Variants in EXOSC2 observed in about 807,000 individuals in gnomAD.
EXOSC2 encodes exosome component 2.
A neutral mutation model predicts 37.6 loss-of-function variants in EXOSC2; 29 were observed. The ratio of observed to expected loss-of-function variants is 0.77; its 90% confidence interval spans 0.57 to 1.05. The LOEUF is 1.05. Ranked by LOEUF, EXOSC2 falls within the 50% of genes least tolerant of loss-of-function variation. EXOSC2 has a pLI of 0.00. For synonymous variants in EXOSC2, 119 were observed against 131.1 expected, an observed-to-expected ratio of 0.91 and a Z score of 0.63; for missense variants, 346 against 365.6, an observed-to-expected ratio of 0.95 and a Z score of 0.44.
Position 130,698,289 on chromosome 9 carries a change from T to A in EXOSC2, c.360+38T>A. On this transcript the variant is annotated intron_variant, in intron 4 of 8. Coordinates refer to ENST00000372358, the MANE Select transcript of EXOSC2 (RefSeq NM_014285.7). This position sits in a 1 kb window ranked among gnomAD's most constrained non-coding sequence, Gnocchi z 4.1. The stretch of plus-strand genomic sequence containing the variant: ...GCTGGGGCCATGGACTAGGGCCCAG[T>A]GGGCTGGGGGGAGCCGTGGGACCCT... 6.3e-7 allele frequency: 1 copy of A among 1,574,962 alleles called. No individual in the cohort carries two copies.
In EXOSC2 at chr9:130,698,572, A is replaced by T. The variant is rs1184435039; in HGVS notation, c.360+321A>T. Among the ~76,000 whole-genome samples, 7 of 152,198 alleles carry T rather than the reference A, an allele frequency of 4.6e-5. No individual in the cohort carries two copies. Among genetic ancestry groups the T allele is most frequent in the South Asian group, 4.1e-4 (2 of 4,832 alleles). ...GATATAACAGCCTTGCATAGTGAAG[A>T]TGTTCCTTGAAAAGTTGTCTTTACA... On this transcript the variant is annotated intron_variant, in intron 4 of 8. Transcript: ENST00000372358. This position sits in a 1 kb window ranked among gnomAD's most constrained non-coding sequence, Gnocchi z 4.1.
rs1247287127 is a variant in EXOSC2, at chr9:130,699,372, T to C, written c.404T>C (p.Leu135Ser). 6.2e-7 allele frequency: 1 copy of C among 1,614,212 alleles called. No homozygotes were observed. The highest frequency in any genetic ancestry group is 8.5e-7 in the Non-Finnish European group (1 of 1,180,038). Residue 135 changes from leucine to serine, a missense_variant, in exon 5 of 9, where the codon TTA becomes TCA. Coordinates refer to ENST00000372358, the MANE Select transcript of EXOSC2 (RefSeq NM_014285.7). Reference sequence around the variant, plus strand: ...GATGAGCTTGCAATGAGAGGTTTCTTACAGGAAGGGGACCTTATCAGTGTA... The same window carrying C: ...GATGAGCTTGCAATGAGAGGTTTCTCACAGGAAGGGGACCTTATCAGTGTA... The part of the protein sequence containing the change: ...AEDELAMRGF[L>S]QEGDLISAEV...
Position 130,702,170 on chromosome 9 carries a change from C to G in EXOSC2, c.532C>G (p.Leu178Val), listed in dbSNP as rs1361350633. Residue 178 changes from leucine (L) to valine (V), a missense_variant, in exon 7 of 9, where the codon CTG becomes GTG. Coordinates refer to ENST00000372358, the MANE Select transcript of EXOSC2 (RefSeq NM_014285.7). ...GGTTTTGGTCCAGGTTTCCCCCTCCCTGGTGAAACGGCAGAAGACCCACTT... is the reference window on the plus strand; with the variant it reads ...GGTTTTGGTCCAGGTTTCCCCCTCCGTGGTGAAACGGCAGAAGACCCACTT... ...QGVLVQVSPS[L>V]VKRQKTHFHD... 1.2e-6 allele frequency: 2 copies of G among 1,614,118 alleles called. No individual in the cohort carries two copies. The highest frequency in any genetic ancestry group is 1.7e-6 in the Non-Finnish European group (2 of 1,180,028).
chr9:130,696,790 C>T (rs1203562694), intron 2 of EXOSC2, among the ~76,000 whole-genome samples: 2 of 151,752 alleles, frequency 1.3e-5, no homozygotes, highest in African/African-American at 2.4e-5. Flanking sequence ...TGTCCTGGAG[C>T]GTGAGAGAGA....
rs1410124633 is a variant in EXOSC2 at position 130,703,737 on chromosome 9, T to C, written c.845T>C (p.Met282Thr). ...CCAGAAATAATGGAGGAGATTGTGA[T>C]GGAAACACGCCAGAGGCTTTTGGAA... ...LKPEIMEEIV[M>T]ETRQRLLEQE... Residue 282 changes from methionine to threonine, a missense_variant, in exon 9 of 9, where the codon ATG (methionine) becomes ACG (threonine). Transcript: ENST00000372358. The C allele has an allele frequency of 1.2e-6, 2 of 1,613,834 alleles. No homozygotes were observed. Among genetic ancestry groups the C allele is most frequent in the Admixed American group, 1.7e-5 (1 of 59,990 alleles).
rs1370237463 is a variant in EXOSC2, at chr9:130,702,183, A to G, written c.545A>G (p.Gln182Arg). ...VQVSPSLVKR[Q>R]KTHFHDLPCG... is the part of the protein sequence containing the mutation. Reference sequence around the variant, plus strand: ...GTTTCCCCCTCCCTGGTGAAACGGCAGAAGACCCACTTTCATGATTTGCCA... The same window carrying G: ...GTTTCCCCCTCCCTGGTGAAACGGCGGAAGACCCACTTTCATGATTTGCCA... Residue 182 changes from glutamine to arginine, a missense_variant, in exon 7 of 9, where the codon CAG becomes CGG. Physicochemically the swap from Gln to Arg is conservative, Grantham distance 43 (BLOSUM62 1). Transcript: ENST00000372358. The G allele has an allele frequency of 6.2e-7, 1 of 1,614,030 alleles. No homozygotes were observed. The highest frequency in any genetic ancestry group is 8.5e-7 in the Non-Finnish European group (1 of 1,180,036).
Position 130,693,864 on chromosome 9 carries a change from C to G in EXOSC2, c.73C>G (p.His25Asp). 1 of 1,612,728 alleles carries G rather than the reference C, an allele frequency of 6.2e-7. No individual in the cohort carries two copies. The highest frequency in any genetic ancestry group is 8.5e-7 in the Non-Finnish European group (1 of 1,179,002). ...SERLGRDTKKHLVVPGDTITT... is the reference protein window; with the variant it reads ...SERLGRDTKKDLVVPGDTITT... The stretch of plus-strand genomic sequence containing the variant: ...GAGACTGGGCCGCGACACTAAGAAA[C>G]ATCTAGTGGTGCCGGGGGATACAAT... Residue 25 changes from histidine to aspartate, a missense_variant, in exon 1 of 9, where the codon CAT becomes GAT. By Grantham distance (81) the His-to-Asp change is moderately conservative (BLOSUM62 -1). Coordinates refer to ENST00000372358, the MANE Select transcript of EXOSC2 (RefSeq NM_014285.7).
intron 2 of EXOSC2, 138 bp from the exon 3 acceptor site, chr9:130,697,444 C>A: frequency 2.6e-6 from 2 of 775,230 alleles, no homozygotes; most frequent in Non-Finnish European, 4.5e-6. Flanking sequence ...TAAGTCCAGA[C>A]AATATAGTTA....
In EXOSC2 at chr9:130,693,881, G is replaced by A. The variant is rs1354931761; in HGVS notation, c.90G>A (p.Gly30=). 1 of 1,611,826 alleles carries A rather than the reference G, an allele frequency of 6.2e-7. No individual in the cohort carries two copies. Among genetic ancestry groups the A allele is most frequent in the Non-Finnish European group, 8.5e-7 (1 of 1,178,488 alleles). Residue 30 remains glycine, a synonymous_variant, in exon 1 of 9, where the codon GGG becomes GGA. Transcript: ENST00000372358. ...CTAAGAAACATCTAGTGGTGCCGGG[G>A]GATACAATCACTACGGACACAGGAT... ...RDTKKHLVVP[G]DTITTDTGFM...
Position 130,698,317 on chromosome 9 carries a change from G to T in EXOSC2, c.360+66G>T, listed in dbSNP as rs1831141749. On this transcript the variant is annotated intron_variant, in intron 4 of 8. Transcript: ENST00000372358. The surrounding 1 kb of genome is among the most constrained non-coding windows in gnomAD (Gnocchi z 4.1). ...GCTGGGGGGAGCCGTGGGACCCTTTGTTCCACCAGAGGACTTTGATTTACA... is the reference window on the plus strand; with the variant it reads ...GCTGGGGGGAGCCGTGGGACCCTTTTTTCCACCAGAGGACTTTGATTTACA... 31 of 1,460,186 alleles carry T rather than the reference G, an allele frequency of 2.1e-5. No homozygotes were observed. The highest frequency in any genetic ancestry group is 3.0e-5 in the Non-Finnish European group (31 of 1,047,672). 90.5% of individuals were successfully genotyped at this position (1,460,186 alleles called of 1,614,324 possible).
chr9:130,697,692 A>G (rs1831126065), intron 3 of EXOSC2, 65 bp downstream of exon 3: 2 of 1,452,802 alleles, frequency 1.4e-6, no homozygotes, highest in Non-Finnish European at 1.9e-6. Flanking sequence ...TTCATGGGAC[A>G]GTCATTCCAC....
chr9:130,699,569 C>G (rs909122000), intron 5 of EXOSC2, 175 bp downstream of exon 5: 9 of 666,960 alleles, frequency 1.3e-5, no homozygotes, highest in Non-Finnish European at 2.4e-5. Context: ...CAGGCTGACT[C>G]CCCAGCTCTT....
chr9:130,703,191 C>T lies in EXOSC2; in HGVS notation c.801+10C>T, dbSNP rs1320270979. The stretch of plus-strand genomic sequence containing the variant: ...ATCCCTTCCACATCAGGTACTCTCC[C>T]CAGGGCCTCTCCCTTCTTCACTGAT... On this transcript the variant is annotated intron_variant, in intron 8 of 8. Transcript: ENST00000372358. 2 of 1,603,374 alleles carry T rather than the reference C, an allele frequency of 1.2e-6. No individual in the cohort carries two copies. Among genetic ancestry groups the T allele is most frequent in the East Asian group, 2.2e-5 (1 of 44,576 alleles).
At chr9:130,700,373 T>TTTA (rs1564257692) in intron 5 of EXOSC2, among the ~76,000 whole-genome samples, 10 of 135,518 alleles carry the variant, frequency 7.4e-5, no homozygotes, top group African/African-American at 3.0e-4. Context: ...TTATTTATTT[T>TTTA]TTTGAGACGG....
In EXOSC2 at chr9:130,693,809, G is replaced by T. The variant is rs183616019; in HGVS notation, c.18G>T (p.Arg6Ser). The change falls in exon 1 of 9, where the codon AGG becomes AGT. Residue 6 changes from arginine (R) to serine (S), a missense_variant. Coordinates refer to ENST00000372358, the MANE Select transcript of EXOSC2 (RefSeq NM_014285.7). The part of the protein sequence containing the change: MAMEM[R>S]LPVARKPLSE... Reference sequence around the variant, plus strand: ...GCGCCAAGATGGCGATGGAGATGAGGCTTCCAGTGGCTCGCAAGCCTCTTA... The same window carrying T: ...GCGCCAAGATGGCGATGGAGATGAGTCTTCCAGTGGCTCGCAAGCCTCTTA... 2 of 1,609,186 alleles carry T rather than the reference G, an allele frequency of 1.2e-6. No individual in the cohort carries two copies. The highest frequency in any genetic ancestry group is 1.7e-6 in the Non-Finnish European group (2 of 1,176,624).
rs1417032992 is a variant in EXOSC2 at position 130,698,018 on chromosome 9, T to C, written c.271-144T>C. Reference sequence around the variant, plus strand: ...TATATTGGTCAGGCTGGTCTCAAACTCCTGACCTCAAGTGATCCACCAGCT... The same window carrying C: ...TATATTGGTCAGGCTGGTCTCAAACCCCTGACCTCAAGTGATCCACCAGCT... On this transcript the variant is annotated intron_variant, in intron 3 of 8. Coordinates refer to ENST00000372358, the MANE Select transcript of EXOSC2 (RefSeq NM_014285.7). The surrounding 1 kb of genome is among the most constrained non-coding windows in gnomAD (Gnocchi z 4.1). 3 of 695,380 alleles carry C rather than the reference T, an allele frequency of 4.3e-6. No homozygotes were observed. The highest frequency in any genetic ancestry group is 7.6e-6 in the Non-Finnish European group (3 of 394,280). 43.1% of individuals were successfully genotyped at this position (695,380 alleles called of 1,614,324 possible).
intron 5 of EXOSC2, 112 bp from the exon 6 acceptor site, chr9:130,700,755 A>G: frequency 1.2e-6 from 1 of 865,630 alleles, no homozygotes; most frequent in Non-Finnish European, 1.9e-6. Flanking sequence ...TTGAGCCTGG[A>G]CCATTGGAGA....
intron 5 of EXOSC2, 133 bp downstream of exon 5, chr9:130,699,527 C>G (rs1831166850): frequency 1.1e-6 from 1 of 875,304 alleles, no homozygotes. Flanking sequence ...AAGTGTCGGG[C>G]TCTGCTGCAT....
Position 130,695,493 on chromosome 9 carries a change from G to A in EXOSC2, c.124G>A (p.Gly42Ser). The stretch of plus-strand genomic sequence containing the variant: ...CTTTGTATCTTCGCCTTGCATCAGG[G>A]GCCATGGAACGTATATGGGAGAAGA... ...TITTDTGFMRGHGTYMGEEKL... is the reference protein window; with the variant it reads ...TITTDTGFMRSHGTYMGEEKL... Residue 42 changes from glycine (G) to serine (S), a missense_variant and splice_region_variant, in exon 2 of 9, where the codon GGC (glycine) becomes AGC (serine). Coordinates refer to ENST00000372358, the MANE Select transcript of EXOSC2 (RefSeq NM_014285.7). 6.2e-7 allele frequency: 1 copy of A among 1,613,548 alleles called. No homozygotes were observed. Among genetic ancestry groups the A allele is most frequent in the Non-Finnish European group, 8.5e-7 (1 of 1,179,458 alleles).
Sources: allele counts gnomAD v4.1 joint callset (sites outside exome capture counted in the v4.1 genomes callset), GRCh38; gene constraint gnomAD v4.1.1; non-coding constraint Gnocchi (gnomAD v3.1); transcripts MANE v1.5; gene names NCBI Gene and HGNC (gene_info 2026-07-23, HGNC 2026-07-21).